Variants in RNF215 observed in about 807,000 individuals in gnomAD.
RNF215 encodes ring finger protein 215.
A neutral mutation model predicts 44.8 loss-of-function variants in RNF215; 41 were observed. The ratio of observed to expected loss-of-function variants is 0.92; its 90% confidence interval spans 0.71 to 1.19. The LOEUF (loss-of-function observed/expected upper bound fraction) is 1.19, where lower values mean the gene tolerates loss of function less well. Among genes scored for constraint, RNF215 ranks in the 50% most tolerant of loss-of-function variants. The pLI, the probability that RNF215 is intolerant of heterozygous loss-of-function variation, is 0.00. For missense variants in RNF215, 452 were observed against 496.2 expected, an observed-to-expected ratio of 0.91 and a Z score of 0.85; for synonymous variants, 218 against 230.1, an observed-to-expected ratio of 0.95 and a Z score of 0.48.
chr22:30,386,869 G>A (rs1933608009), intron 1 of RNF215, 110 bp from the exon 2 acceptor site: 1 of 1,489,978 alleles, frequency 6.7e-7, no homozygotes, highest in Non-Finnish European at 8.9e-7. Flanking sequence ...CTGGCTCTCT[G>A]GTTTGGGAAG....
At position 30,380,777 on chromosome 22, in the gene RNF215, A is replaced by T. The variant is rs1380109190; in HGVS notation, c.745-376T>A. Among the ~76,000 whole-genome samples, 5 of 151,602 alleles carry T rather than the reference A, an allele frequency of 3.3e-5. No homozygotes were observed. Among genetic ancestry groups the T allele is most frequent in the Non-Finnish European group, 7.4e-5 (5 of 67,878 alleles). On this transcript the variant is annotated intron_variant, in intron 5 of 8. Transcript: ENST00000382363. This position sits in a 1 kb window ranked among gnomAD's most constrained non-coding sequence, Gnocchi z 5.3. ...GGGACCTGCTCACTCTCCCACCCCC[A>T]TCCTCCTGCACTTCCTCCTGGTCGG...
chr22:30,383,589 G>A (rs777913100), intron 5 of RNF215, among the ~76,000 whole-genome samples: 2 of 152,198 alleles, frequency 1.3e-5, no homozygotes, highest in East Asian at 1.9e-4. Flanking sequence ...CCAGGAGACC[G>A]GGACGTGACT....
intron 5 of RNF215, 131 bp downstream of exon 5, chr22:30,384,208 C>T (rs1933564257): frequency 1.0e-6 from 1 of 996,008 alleles, no homozygotes; most frequent in Non-Finnish European, 1.5e-6. Context: ...ACTCACAGCA[C>T]TCCTGTGGGG....
At chr22:30,379,847 C>G in intron 7 of RNF215, 34 bp from the exon 8 acceptor site, 1 of 1,564,476 alleles carries the variant, frequency 6.4e-7, no homozygotes, top group Non-Finnish European at 8.7e-7. Context: ...CTCAGGTCAC[C>G]GAAGCAGGAC....
chr22:30,379,803 A>G lies in RNF215; in HGVS notation c.1019T>C (p.Val340Ala). 1 of 1,569,862 alleles carries G rather than the reference A, an allele frequency of 6.4e-7. No homozygotes were observed. The highest frequency in any genetic ancestry group is 8.6e-7 in the Non-Finnish European group (1 of 1,159,146). The change falls in exon 8 of 9, where the codon GTG becomes GCG. Residue 340 changes from valine (V) to alanine (A), a missense_variant. Coordinates refer to ENST00000382363, the MANE Select transcript of RNF215 (RefSeq NM_001017981.2). ...GTGAAACTCGTGCTTACAGGGCAGC[A>G]CCCGGAGCCACTACAGGGGTGGGGG... is the stretch of plus-strand genomic sequence containing the variant. ...DYFCNKQWLR[V>A]LPCKHEFHRD...
rs934489113 is a variant in RNF215 at position 30,378,919 on chromosome 22, A to C, written c.*681T>G. Reference sequence around the variant, plus strand: ...AAAAAAAAAAGGATGCCCCTGGATGAGGCACCACATTGATCCTGTGGCTTC... The same window carrying C: ...AAAAAAAAAAGGATGCCCCTGGATGCGGCACCACATTGATCCTGTGGCTTC... On this transcript the variant is annotated 3_prime_UTR_variant, in exon 9 of 9. Transcript: ENST00000382363. 4.1e-5 allele frequency: 6 copies of C among 145,072 alleles called. No homozygotes were observed. The highest frequency in any genetic ancestry group is 4.1e-4 in the Admixed American group (6 of 14,598). The allele number at this position is 145,072 out of a possible 1,614,324, so 9.0% of individuals were successfully genotyped here.
Position 30,386,602 on chromosome 22 carries a change from G to C in RNF215, c.429+14C>G. The stretch of plus-strand genomic sequence containing the variant: ...CTTTCCTCCAGCCCCCTCCCCCATA[G>C]ACATCCCCTGCACCTGCTGGACCAG... On this transcript the variant is annotated intron_variant, in intron 2 of 8. Coordinates refer to ENST00000382363, the MANE Select transcript of RNF215 (RefSeq NM_001017981.2). 1 of 1,608,306 alleles carries C rather than the reference G, an allele frequency of 6.2e-7. No individual in the cohort carries two copies. Among genetic ancestry groups the C allele is most frequent in the Non-Finnish European group, 8.5e-7 (1 of 1,177,568 alleles).
At chr22:30,384,530 A>G in intron 4 of RNF215, 35 bp from the exon 5 acceptor site, 1 of 1,600,600 alleles carries the variant, frequency 6.2e-7, no homozygotes, top group Non-Finnish European at 8.5e-7. Flanking sequence ...AGATGGAAGG[A>G]CTCTTGGGAA....
Position 30,379,427 on chromosome 22 carries a change from G to A in RNF215, c.*173C>T. ...CCTAGATCCTCAGTCTGAAGCTGTG[G>A]GGCCCTCCTTCCCAGTGTGGACATG... On this transcript the variant is annotated 3_prime_UTR_variant, in exon 9 of 9. Coordinates refer to ENST00000382363, the MANE Select transcript of RNF215 (RefSeq NM_001017981.2). 1.4e-6 allele frequency: 1 copy of A among 737,168 alleles called. No individual in the cohort carries two copies. Among genetic ancestry groups the A allele is most frequent in the Non-Finnish European group, 2.2e-6 (1 of 455,338 alleles). The allele number at this position is 737,168 out of a possible 1,614,324, so 45.7% of individuals were successfully genotyped here.
At chr22:30,384,531 C>G (rs1601759375) in intron 4 of RNF215, 36 bp from the exon 5 acceptor site, 2 of 1,601,448 alleles carry the variant, frequency 1.2e-6, no homozygotes, top group African/African-American at 2.7e-5. Context: ...GATGGAAGGA[C>G]TCTTGGGAAG....
At position 30,379,584 on chromosome 22, in the gene RNF215, G is replaced by C. The variant is rs766646276; in HGVS notation, c.*16C>G. 2 of 1,550,024 alleles carry C rather than the reference G, an allele frequency of 1.3e-6. No homozygotes were observed. The highest frequency in any genetic ancestry group is 1.4e-5 in the African/African-American group (1 of 73,148). On this transcript the variant is annotated 3_prime_UTR_variant, in exon 9 of 9. Coordinates refer to ENST00000382363, the MANE Select transcript of RNF215 (RefSeq NM_001017981.2). ...CAGGAAGGGTCCATCCCCATGTGCA[G>C]AGTCCAGCTGGGCAGCTAATCATCG...
Position 30,378,879 on chromosome 22 carries a change from TAAAAAAAAAAAAAAA to T in RNF215, c.*706_*720del, listed in dbSNP as rs397769011. ...TTAAACCTTCCCTACTCCAACTCTT[TAAAAAAAAAAAAAAA>T]AAAAAAAAAGGATGCCCCTGGATGA... On this transcript the variant is annotated 3_prime_UTR_variant, in exon 9 of 9. Transcript: ENST00000382363. The T allele has an allele frequency of 2.7e-5, 3 of 113,182 alleles. No individual in the cohort carries two copies. Among genetic ancestry groups the T allele is most frequent in the African/African-American group, 1.0e-4 (3 of 29,272 alleles). 7.0% of individuals were successfully genotyped at this position (113,182 alleles called of 1,614,324 possible).
At chr22:30,379,676 A>C in intron 8 of RNF215, 35 bp downstream of exon 8, 2 of 1,552,396 alleles carry the variant, frequency 1.3e-6, no homozygotes, top group Non-Finnish European at 1.7e-6. Flanking sequence ...AGGAGCAGGC[A>C]GAGTAGGCCG....
chr22:30,384,257 C>T, intron 5 of RNF215, 82 bp downstream of exon 5: 1 of 1,435,738 alleles, frequency 7.0e-7, no homozygotes, highest in Non-Finnish European at 9.6e-7. Context: ...GGGGAGAAGC[C>T]ACAGGATTTT....
rs1008727063 is a variant in RNF215 at position 30,386,908 on chromosome 22, G to A, written c.285+121C>T. ...GAATGCTGGGGGCCTGGGGAGCCTGGGGAGGGGCGCTGGACTCTCAAGGCT... is the reference window on the plus strand; with the variant it reads ...GAATGCTGGGGGCCTGGGGAGCCTGAGGAGGGGCGCTGGACTCTCAAGGCT... On this transcript the variant is annotated intron_variant, in intron 1 of 8. Coordinates refer to ENST00000382363, the MANE Select transcript of RNF215 (RefSeq NM_001017981.2). 781 of 1,478,498 alleles carry A rather than the reference G, an allele frequency of 5.3e-4. 2 individuals carry two copies. The highest frequency in any genetic ancestry group is 6.6e-4 in the Non-Finnish European group (735 of 1,117,472). The allele number at this position is 1,478,498 out of a possible 1,614,324, so 91.6% of individuals were successfully genotyped here.
rs1335105245 is a variant in RNF215 at position 30,387,217 on chromosome 22, A to ACAGCGGCAGCAGGGG, written c.82_96dup (p.Pro28_Leu32dup). ...GCCCCGGGCCCCGCCAGGCCCAGCC[A>ACAGCGGCAGCAGGGG]CAGCGGCAGCAGGGGCAGCAGCAGC... On this transcript the variant is annotated inframe_insertion, in exon 1 of 9. Coordinates refer to ENST00000382363, the MANE Select transcript of RNF215 (RefSeq NM_001017981.2). The ACAGCGGCAGCAGGGG allele has an allele frequency of 1.0e-4, 101 of 1,009,596 alleles. No individual in the cohort carries two copies. In the East Asian group the frequency reaches 4.2e-3, roughly 42 times the overall value. The allele number at this position is 1,009,596 out of a possible 1,614,324, so 62.5% of individuals were successfully genotyped here. A position where few individuals can be genotyped will look rare whatever the true frequency, so the allele number is the denominator to read the frequency against.
intron 4 of RNF215, 48 bp from the exon 5 acceptor site, chr22:30,384,543 G>A (rs1038171445): frequency 9.5e-6 from 15 of 1,579,846 alleles, no homozygotes; most frequent in Non-Finnish European, 1.1e-5. Context: ...CTTGGGAAGG[G>A]AGGCCCAGAC....
In RNF215 at chr22:30,382,656, C is replaced by T. The variant is rs563934920; in HGVS notation, c.744+1683G>A. On this transcript the variant is annotated intron_variant, in intron 5 of 8. Coordinates refer to ENST00000382363, the MANE Select transcript of RNF215 (RefSeq NM_001017981.2). ...TGAAAGTGTGGCCGGCCTGAAGCTC[C>T]GCTGCAGGCCAAAGACCCAGCCTCC... is the stretch of plus-strand genomic sequence containing the variant. Among the ~76,000 whole-genome samples, 294 of 152,232 alleles carry T rather than the reference C, an allele frequency of 1.9e-3. 4 individuals carry two copies. Among genetic ancestry groups the T allele is most frequent in the African/African-American group, 6.9e-3 (287 of 41,558 alleles).
At chr22:30,383,136 T>C in intron 5 of RNF215, among the ~76,000 whole-genome samples, 1 of 152,108 alleles carries the variant, frequency 6.6e-6, no homozygotes, top group African/African-American at 2.4e-5. Context: ...GCACAGTGAC[T>C]GGGCCCTGGG....
Sources: allele counts gnomAD v4.1 joint callset (sites outside exome capture counted in the v4.1 genomes callset), GRCh38; gene constraint gnomAD v4.1.1; non-coding constraint Gnocchi (gnomAD v3.1); transcripts MANE v1.5; gene names NCBI Gene and HGNC (gene_info 2026-07-23, HGNC 2026-07-21).